Variants in DIAPH2 observed in about 807,000 individuals in gnomAD.
DIAPH2 encodes the protein protein diaphanous homolog 2.
Under a neutral mutation model 92.7 loss-of-function variants are expected in DIAPH2, and 35 were observed. The ratio of observed to expected loss-of-function variants is 0.38; its 90% CI spans 0.29 to 0.50. The LOEUF is 0.50. Among genes scored for constraint, DIAPH2 ranks in the 20% least tolerant of loss-of-function variants. The pLI is 0.94. For missense variants in DIAPH2, 701 were observed against 819.5 expected, an observed-to-expected ratio of 0.86 and a Z score of 1.77; for synonymous variants, 301 against 280.4, an observed-to-expected ratio of 1.07 and a Z score of -0.73.
intron 24 of DIAPH2, among the ~76,000 whole-genome samples, chrX:97,373,670 C>T (rs865990114): frequency 1.0e-5 from 1 of 96,853 alleles, no homozygotes; most frequent in Admixed American, 1.2e-4. Flanking sequence ...TGCAATGGCG[C>T]GACTCGGCTC....
intron 17 of DIAPH2, among the ~76,000 whole-genome samples, chrX:97,070,140 G>A (rs1028385206): frequency 9.0e-6 from 1 of 110,814 alleles, no homozygotes; most frequent in Non-Finnish European, 1.9e-5. Context: ...TCTATTAGCA[G>A]TGCCAATTTA....
At chrX:97,492,345 G>T (rs1294353658) in intron 26 of DIAPH2, among the ~76,000 whole-genome samples, 1 of 111,327 alleles carries the variant, frequency 9.0e-6, no homozygotes, top group African/African-American at 3.3e-5. Context: ...TGAGGTGGGA[G>T]AATCAGCCGA....
intron 16 of DIAPH2, 41 bp from the exon 17 acceptor site, chrX:96,965,052 G>A (rs375056541): frequency 8.8e-7 from 1 of 1,132,560 alleles, no homozygotes; most frequent in Non-Finnish European, 1.2e-6. Flanking sequence ...TTAAATATGA[G>A]GTTATAATTT....
intron 4 of DIAPH2, among the ~76,000 whole-genome samples, chrX:96,827,073 TAA>T (rs1484125103): frequency 8.8e-6 from 1 of 113,000 alleles, no homozygotes; most frequent in African/African-American, 3.2e-5. Context: ...AAATATGTAT[TAA>T]GTTTAAAATA....
chrX:97,091,251 C>A (rs2147353218), intron 19 of DIAPH2, among the ~76,000 whole-genome samples: 1 of 110,774 alleles, frequency 9.0e-6, no homozygotes, highest in Non-Finnish European at 1.9e-5. Context: ...TACTTCTCCC[C>A]AAAACAAGTC....
intron 19 of DIAPH2, among the ~76,000 whole-genome samples, chrX:97,078,315 A>C (rs2066718875): frequency 8.9e-6 from 1 of 111,737 alleles, no homozygotes; most frequent in Non-Finnish European, 1.9e-5. Context: ...AGATATGATA[A>C]AGCATAGGTT....
intron 19 of DIAPH2, among the ~76,000 whole-genome samples, chrX:97,096,856 GT>G (rs2066872871): frequency 9.0e-6 from 1 of 110,923 alleles, no homozygotes; most frequent in Admixed American, 9.6e-5. Flanking sequence ...CAAATTGCAG[GT>G]TTTCTCACTG....
chrX:96,780,967 C>T (rs781120308), intron 4 of DIAPH2, among the ~76,000 whole-genome samples: 10 of 108,817 alleles, frequency 9.2e-5, no homozygotes, highest in Non-Finnish European at 1.3e-4. Context: ...CCACCACACC[C>T]GACTAATTTT....
At chrX:97,427,078 T>C (rs1359963529) in intron 25 of DIAPH2, among the ~76,000 whole-genome samples, 1 of 108,376 alleles carries the variant, frequency 9.2e-6, no homozygotes, top group East Asian at 2.9e-4. Flanking sequence ...CTTGGGAGGC[T>C]GAGGCAGGAG....
At chrX:97,423,898 A>T (rs1261923824) in intron 25 of DIAPH2, among the ~76,000 whole-genome samples, 2 of 111,605 alleles carry the variant, frequency 1.8e-5, no homozygotes, top group East Asian at 5.6e-4. Context: ...TTGAGGTTGA[A>T]CTCGTAGACC....
chrX:96,916,631 A>T, intron 8 of DIAPH2, 57 bp downstream of exon 8: 12 of 1,071,838 alleles, frequency 1.1e-5, no homozygotes, highest in Non-Finnish European at 1.5e-5. Flanking sequence ...TAAGAAATTA[A>T]TAAGTCCTAC....
At chrX:97,296,025 C>T (rs984450971) in intron 23 of DIAPH2, among the ~76,000 whole-genome samples, 1 of 111,282 alleles carries the variant, frequency 9.0e-6, no homozygotes, top group African/African-American at 3.3e-5. Flanking sequence ...AGCCACCATA[C>T]GCAGCCATAT....
At chrX:96,960,451 AT>A (rs752042115) in intron 16 of DIAPH2, among the ~76,000 whole-genome samples, 1 of 110,248 alleles carries the variant, frequency 9.1e-6, no homozygotes, top group African/African-American at 3.3e-5. Flanking sequence ...TTGTGTGTTG[AT>A]TTTGTATCCT....
intron 5 of DIAPH2, among the ~76,000 whole-genome samples, chrX:96,906,815 G>A (rs144452347): frequency 8.9e-6 from 1 of 111,749 alleles, no homozygotes; most frequent in East Asian, 2.8e-4. Flanking sequence ...ACAGATATTA[G>A]CCTCCCTGAT....
intron 19 of DIAPH2, among the ~76,000 whole-genome samples, chrX:97,093,031 T>G (rs2066837326): frequency 1.1e-5 from 1 of 89,450 alleles, no homozygotes; most frequent in South Asian, 7.2e-4. Context: ...TAAAGAGTTT[T>G]TTAAAAATCA....
At chrX:97,152,171 TAC>T (rs1281707101) in intron 22 of DIAPH2, among the ~76,000 whole-genome samples, 3 of 111,596 alleles carry the variant, frequency 2.7e-5, no homozygotes, top group Non-Finnish European at 5.6e-5. Flanking sequence ...TTGGGGAGGT[TAC>T]CAAACAGTAT....
At chrX:96,895,570 G>A (rs2065339776) in intron 5 of DIAPH2, among the ~76,000 whole-genome samples, 1 of 111,603 alleles carries the variant, frequency 9.0e-6, no homozygotes, top group African/African-American at 3.3e-5. Context: ...ATGCATTCAG[G>A]ATCTTGGCTC....
At chrX:97,534,309 G>T (rs2071081274) in intron 26 of DIAPH2, among the ~76,000 whole-genome samples, 1 of 109,498 alleles carries the variant, frequency 9.1e-6, no homozygotes, top group Non-Finnish European at 1.9e-5. Context: ...AATCCTTGTG[G>T]CTAGGATTAC....
At chrX:97,223,475 T>C (rs2067941857) in intron 22 of DIAPH2, among the ~76,000 whole-genome samples, 1 of 111,768 alleles carries the variant, frequency 8.9e-6, no homozygotes, top group Admixed American at 9.6e-5. Context: ...TTCTATACCA[T>C]TTAAATTCAA....
Sources: allele counts gnomAD v4.1 joint callset (sites outside exome capture counted in the v4.1 genomes callset), GRCh38; gene constraint gnomAD v4.1.1; transcripts MANE v1.5; gene names NCBI Gene and HGNC (gene_info 2026-07-23, HGNC 2026-07-21).